Variants in ARHGAP15 observed in about 807,000 individuals in gnomAD.
ARHGAP15 encodes rho GTPase-activating protein 15.
A neutral mutation model predicts 63.7 loss-of-function variants in ARHGAP15; 51 were observed. That is an observed-to-expected ratio of 0.80 (90% CI 0.64 to 1.01). The LOEUF is 1.01. ARHGAP15 is among the 50% of genes least tolerant of loss of function. ARHGAP15 has a pLI of 0.00. For missense variants in ARHGAP15, 560 were observed against 564.6 expected (o/e 0.99, Z 0.08); for synonymous variants, 191 against 193.8 (o/e 0.99, Z 0.12).
At chr2:143,320,675 A>G (rs1205970635) in intron 6 of ARHGAP15, among the ~76,000 whole-genome samples, 1 of 151,666 alleles carries the variant, frequency 6.6e-6, no homozygotes, top group Non-Finnish European at 1.5e-5. Context: ...GAGACTAGAC[A>G]GGGAAGCTTG....
At chr2:143,682,224 G>C (rs1360241392) in intron 12 of ARHGAP15, among the ~76,000 whole-genome samples, 1 of 151,768 alleles carries the variant, frequency 6.6e-6, no homozygotes, top group African/African-American at 2.4e-5. Flanking sequence ...TAATGACTTG[G>C]TAAATGTTAC....
At chr2:143,568,933 T>C (rs1258057902) in intron 11 of ARHGAP15, among the ~76,000 whole-genome samples, 1 of 152,158 alleles carries the variant, frequency 6.6e-6, no homozygotes, top group Non-Finnish European at 1.5e-5. Flanking sequence ...AAACACCACA[T>C]GTTCTCACTC....
chr2:143,560,738 G>T (rs1448721551), intron 11 of ARHGAP15, among the ~76,000 whole-genome samples: 2 of 152,216 alleles, frequency 1.3e-5, no homozygotes, highest in East Asian at 3.8e-4. Context: ...TTAGGAAGAA[G>T]CCTGGCATTG....
intron 10 of ARHGAP15, among the ~76,000 whole-genome samples, chr2:143,523,086 C>A (rs1401581930): frequency 2.6e-5 from 4 of 152,090 alleles, no homozygotes; most frequent in African/African-American, 9.7e-5. Context: ...TGGAAAGAAG[C>A]TTTATACAGC....
chr2:143,624,151 AC>A lies in ARHGAP15; in HGVS notation c.1023del (p.Asp341GlufsTer15). The A allele has an allele frequency of 1.2e-6, 2 of 1,613,554 alleles. No individual in the cohort carries two copies. The highest frequency in any genetic ancestry group is 1.7e-6 in the Non-Finnish European group (2 of 1,179,638). On this transcript the variant is annotated frameshift_variant, in exon 12 of 14. Coordinates refer to ENST00000295095, the MANE Select transcript of ARHGAP15 (RefSeq NM_018460.4). LOFTEE classifies it high-confidence loss of function. The stretch of plus-strand genomic sequence containing the variant: ...TTCCCAGAAGAGAAGCTGAATTTGG[AC>A]GACAGCCAGTGGGAGGACATCCACG... ...IVNQEEKLNL[D>X]DSQWEDIHVV...
At chr2:143,273,053 G>T (rs1288319653) in intron 6 of ARHGAP15, among the ~76,000 whole-genome samples, 2 of 114,268 alleles carry the variant, frequency 1.8e-5, no homozygotes, top group African/African-American at 6.4e-5. Flanking sequence ...TAATTTCATT[G>T]TTCTTGTGTC....
At chr2:143,358,778 T>C (rs1253989119) in intron 6 of ARHGAP15, among the ~76,000 whole-genome samples, 1 of 151,906 alleles carries the variant, frequency 6.6e-6, no homozygotes, top group Non-Finnish European at 1.5e-5. Flanking sequence ...TACTTATGTA[T>C]GTATATGTAT....
intron 13 of ARHGAP15, among the ~76,000 whole-genome samples, chr2:143,749,399 A>C (rs572963725): frequency 6.6e-6 from 1 of 152,314 alleles, no homozygotes; most frequent in East Asian, 1.9e-4. Flanking sequence ...TCATTTCTCT[A>C]TGCATCCTTC....
At chr2:143,243,979 T>C (rs1044522977) in intron 5 of ARHGAP15, among the ~76,000 whole-genome samples, 3 of 152,196 alleles carry the variant, frequency 2.0e-5, no homozygotes, top group Non-Finnish European at 4.4e-5. Flanking sequence ...CCCAAATCTC[T>C]ATTAGCTTTG....
rs117516439 is a variant in ARHGAP15 at position 143,644,433 on chromosome 2, C to G, written c.1138+20166C>G. Among the ~76,000 whole-genome samples, 12 of 152,094 alleles carry G rather than the reference C, an allele frequency of 7.9e-5. No homozygotes were observed. In the East Asian group the frequency reaches 1.7e-3, roughly 22 times the overall value. On this transcript the variant is annotated intron_variant, in intron 12 of 13. Transcript: ENST00000295095. ...GAGGAAGAGTTCTAGTTTATATGAT[C>G]AGCTTCCGGGGAGAAATGAGAGGAG...
chr2:143,178,679 A>G (rs1385227920), intron 2 of ARHGAP15, among the ~76,000 whole-genome samples: 1 of 152,062 alleles, frequency 6.6e-6, no homozygotes, highest in African/African-American at 2.4e-5. Context: ...GGCTGGTCTC[A>G]AACACCTGGC....
At chr2:143,365,650 T>C (rs1686263094) in intron 6 of ARHGAP15, among the ~76,000 whole-genome samples, 2 of 152,354 alleles carry the variant, frequency 1.3e-5, no homozygotes, top group South Asian at 4.1e-4. Flanking sequence ...ATTATAAACA[T>C]AGAACTTCCC....
In ARHGAP15 at chr2:143,290,224, T is replaced by C. The variant is rs148535462; in HGVS notation, c.474+39624T>C. Among the ~76,000 whole-genome samples, 713 of 152,082 alleles carry C rather than the reference T, an allele frequency of 4.7e-3. 5 individuals carry two copies. Among genetic ancestry groups the C allele is most frequent in the Non-Finnish European group, 8.4e-3 (568 of 67,994 alleles). ...TAAAGGGATGCTGAAAGTGAGGTGG[T>C]TGGGGTTCAGTAAAATAGAAGATCT... On this transcript the variant is annotated intron_variant, in intron 6 of 13. Transcript: ENST00000295095.
At position 143,535,528 on chromosome 2, in the gene ARHGAP15, G is replaced by T. The variant is rs549061293; in HGVS notation, c.925+16164G>T. ...TGTGTGAAAGAAATATTTTAAGAAA[G>T]AATTATCTTCCCAGATTTTCTGAAA... On this transcript the variant is annotated intron_variant, in intron 10 of 13. Coordinates refer to ENST00000295095, the MANE Select transcript of ARHGAP15 (RefSeq NM_018460.4). 7.2e-5 allele frequency among the ~76,000 whole-genome samples: 11 copies of T among 152,232 alleles called. No homozygotes were observed. The South Asian group carries it at 2.1e-3, about 29-fold the overall frequency.
chr2:143,561,890 A>G (rs1284993097), intron 11 of ARHGAP15, among the ~76,000 whole-genome samples: 1 of 152,204 alleles, frequency 6.6e-6, no homozygotes, highest in Non-Finnish European at 1.5e-5. Context: ...GGAACAAAAT[A>G]TACAAATGCT....
intron 5 of ARHGAP15, among the ~76,000 whole-genome samples, chr2:143,245,424 C>T (rs1222190412): frequency 6.6e-6 from 1 of 152,026 alleles, no homozygotes; most frequent in East Asian, 1.9e-4. Context: ...TTTTTGTTGA[C>T]CTTAATGGTT....
intron 8 of ARHGAP15, among the ~76,000 whole-genome samples, chr2:143,485,219 T>C (rs981531343): frequency 3.9e-5 from 6 of 152,174 alleles, no homozygotes; most frequent in Non-Finnish European, 8.8e-5. Flanking sequence ...ATTAGGTATT[T>C]GTCCTAATGC....
intron 1 of ARHGAP15, among the ~76,000 whole-genome samples, chr2:143,155,232 A>G (rs1198706232): frequency 6.6e-6 from 1 of 151,938 alleles, no homozygotes; most frequent in African/African-American, 2.4e-5. Flanking sequence ...TAAGAAACAC[A>G]GTCTATCGTT....
At chr2:143,408,769 T>C (rs1163017129) in intron 6 of ARHGAP15, among the ~76,000 whole-genome samples, 3 of 151,954 alleles carry the variant, frequency 2.0e-5, no homozygotes, top group African/African-American at 7.2e-5. Flanking sequence ...ATCTAAAACA[T>C]TCATTTTTTA....
Sources: gnomAD v4.1 joint callset for allele counts (sites outside exome capture counted in the v4.1 genomes callset) on GRCh38, gnomAD v4.1.1 for gene constraint, MANE v1.5 for transcripts, NCBI Gene and HGNC (gene_info 2026-07-23, HGNC 2026-07-21) for gene names.